The following C2CD3 variants were observed in gnomAD, a reference collection of about 807,000 sequenced individuals.
C2CD3 encodes C2 domain containing 3 centriole elongation regulator, also known as C2 domain-containing protein 3.
A neutral mutation model predicts 234.0 loss-of-function variants in C2CD3; 148 were observed. That is an observed-to-expected ratio of 0.63 (90% CI 0.55 to 0.72). The LOEUF is 0.72. Ranked by LOEUF, C2CD3 falls within the 30% of genes least tolerant of loss-of-function variation. The pLI, the probability that C2CD3 is intolerant of heterozygous loss-of-function variation, is 0.00. For missense variants in C2CD3, 2,577 were observed against 2,811.5 expected, an observed-to-expected ratio of 0.92 and a Z score of 1.89; for synonymous variants, 1,000 against 1,035.4, an observed-to-expected ratio of 0.97 and a Z score of 0.66.
intron 3 of C2CD3, among the ~76,000 whole-genome samples, chr11:74,157,482 T>C (rs980723412): frequency 2.0e-5 from 3 of 152,338 alleles, no homozygotes; most frequent in East Asian, 1.9e-4. Context: ...TAACATTTAA[T>C]ATATTATAAA....
At chr11:74,013,838 C>T (rs973087315) in intron 32 of C2CD3, among the ~76,000 whole-genome samples, 5 of 152,174 alleles carry the variant, frequency 3.3e-5, no homozygotes, top group African/African-American at 7.2e-5. Context: ...AAGGAGGCAG[C>T]GTCACCTCCA....
intron 3 of C2CD3, among the ~76,000 whole-genome samples, chr11:74,141,921 G>A (rs530772869): frequency 9.8e-4 from 149 of 152,054 alleles, no homozygotes; most frequent in African/African-American, 3.4e-3. Flanking sequence ...AGGACTGCTT[G>A]AGCCCCGGAT....
chr11:74,151,185 A>G (rs538911962), intron 3 of C2CD3, among the ~76,000 whole-genome samples: 24 of 152,226 alleles, frequency 1.6e-4, no homozygotes, highest in Admixed American at 6.5e-4. Context: ...CGGCCTCCCA[A>G]AGTGCTGGGA....
At chr11:74,096,345 C>T (rs1161112488) in intron 16 of C2CD3, among the ~76,000 whole-genome samples, 1 of 152,134 alleles carries the variant, frequency 6.6e-6, no homozygotes. Context: ...ATTTTAACTA[C>T]TAATCCAAAA....
intron 7 of C2CD3, among the ~76,000 whole-genome samples, chr11:74,125,604 C>T (rs1014154756): frequency 2.0e-5 from 3 of 152,126 alleles, no homozygotes; most frequent in East Asian, 1.9e-4. Flanking sequence ...TTTTACCCAT[C>T]TTCTCTATTT....
intron 28 of C2CD3, among the ~76,000 whole-genome samples, chr11:74,044,767 C>T (rs1953274800): frequency 6.6e-6 from 1 of 152,038 alleles, no homozygotes. Flanking sequence ...TCTATGAATA[C>T]CCAATGCTTA....
In C2CD3 at chr11:74,103,770, CATAT is replaced by C. The variant is rs1956410768; in HGVS notation, c.2086-149_2086-146del. Reference sequence around the variant, plus strand: ...TAATAGTAAGAATATTAACAGAATGCATATACATTAACTTGCTAGACTAAGAAAA... The same window carrying C: ...TAATAGTAAGAATATTAACAGAATGCACATTAACTTGCTAGACTAAGAAAA... On this transcript the variant is annotated intron_variant, in intron 13 of 32. Coordinates refer to ENST00000334126, the MANE Select transcript of C2CD3 (RefSeq NM_001286577.2). 4.5e-6 allele frequency: 3 copies of C among 661,864 alleles called. No homozygotes were observed. In the East Asian group the frequency reaches 8.2e-5, roughly 18 times the overall value. The allele number at this position is 661,864 out of a possible 1,614,324, so 41.0% of individuals were successfully genotyped here.
At chr11:74,125,051 A>C (rs566853823) in intron 7 of C2CD3, among the ~76,000 whole-genome samples, 314 of 152,354 alleles carry the variant, frequency 2.1e-3, no homozygotes, top group African/African-American at 6.9e-3. Context: ...CTATTTTGAA[A>C]GTCAAATACG....
In C2CD3 at chr11:74,109,838, C is replaced by G. The variant is rs576903110; in HGVS notation, c.1844-686G>C. ...CTGTAATCCCAGCACTTTGGGAGGCCGAGATGGGCAGATCACGAGGTCAGG... is the reference window on the plus strand; with the variant it reads ...CTGTAATCCCAGCACTTTGGGAGGCGGAGATGGGCAGATCACGAGGTCAGG... On this transcript the variant is annotated intron_variant, in intron 11 of 32. Coordinates refer to ENST00000334126, the MANE Select transcript of C2CD3 (RefSeq NM_001286577.2). Among the ~76,000 whole-genome samples, 548 of 151,896 alleles carry G rather than the reference C, an allele frequency of 3.6e-3. 3 individuals are homozygous for G. Among genetic ancestry groups the G allele is most frequent in the Non-Finnish European group, 6.4e-3 (436 of 67,970 alleles).
chr11:74,091,219 T>C (rs1955881866), intron 19 of C2CD3: 2 of 277,474 alleles, frequency 7.2e-6, no homozygotes, highest in Non-Finnish European at 1.4e-5. Context: ...TCCAGATTTC[T>C]TTTTACCCCC....
chr11:74,107,322 TCA>T (rs142285119), intron 12 of C2CD3, among the ~76,000 whole-genome samples: 26,561 of 146,074 alleles, frequency 0.18, 2,450 homozygotes, highest in East Asian at 0.28. Context: ...TGAAACTGTG[TCA>T]CACACACACA....
At chr11:74,128,831 A>T (rs886927606) in intron 7 of C2CD3, 1 of 230,354 alleles carries the variant, frequency 4.3e-6, no homozygotes, top group Non-Finnish European at 8.4e-6. Context: ...GAGTGGACAC[A>T]GCACATGTTT....
rs1312383807 is a variant in C2CD3 at position 74,139,726 on chromosome 11, T to C, written c.586A>G (p.Arg196Gly). The change falls in exon 4 of 33, where the codon AGA becomes GGA. Residue 196 changes from arginine to glycine, a missense_variant. Physicochemically the swap from Arg to Gly is moderately radical, Grantham distance 125. Coordinates refer to ENST00000334126, the MANE Select transcript of C2CD3 (RefSeq NM_001286577.2). ...ENVLLSKQGF[R>G]ENTEPSSTQF... ...GTACTGCTGGGTTCAGTATTCTCTC[T>C]GAATCCCTGCTTAGATAAAAGCACA... is the stretch of plus-strand genomic sequence containing the variant. 2 of 1,613,544 alleles carry C rather than the reference T, an allele frequency of 1.2e-6. No individual in the cohort carries two copies. Among genetic ancestry groups the C allele is most frequent in the Non-Finnish European group, 1.7e-6 (2 of 1,179,440 alleles).
intron 24 of C2CD3, among the ~76,000 whole-genome samples, chr11:74,069,711 G>C (rs150028141): frequency 8.5e-5 from 13 of 152,226 alleles, no homozygotes; most frequent in Non-Finnish European, 1.9e-4. Flanking sequence ...TTTTTCCATT[G>C]CAATCATTCT....
At position 74,110,098 on chromosome 11, in the gene C2CD3, T is replaced by TAAATA. The variant is rs922505572; in HGVS notation, c.1844-951_1844-947dup. On this transcript the variant is annotated intron_variant, in intron 11 of 32. Transcript: ENST00000334126. ...TCTGTCTCAAAAATAAATAAATAAA[T>TAAATA]AAATAAAATAAAATAAAATAAAAAG... Among the ~76,000 whole-genome samples the TAAATA allele has an allele frequency of 3.6e-3, 543 of 150,934 alleles. 4 individuals carry two copies. The highest frequency in any genetic ancestry group is 0.027 in the Middle Eastern group (8 of 294).
At chr11:74,106,817 AT>A (rs1284543185) in intron 12 of C2CD3, among the ~76,000 whole-genome samples, 2 of 152,220 alleles carry the variant, frequency 1.3e-5, no homozygotes, top group Non-Finnish European at 2.9e-5. Flanking sequence ...GATGTCACAA[AT>A]TTTTGCTATT....
chr11:74,108,264 G>A (rs1396375151), intron 12 of C2CD3: 1 of 151,564 alleles, frequency 6.6e-6, no homozygotes, highest in Non-Finnish European at 1.5e-5. Context: ...ATGAAATGAT[G>A]TGCCTTTCCC....
At chr11:74,167,454 C>G (rs1856883292) in intron 2 of C2CD3, among the ~76,000 whole-genome samples, 1 of 152,118 alleles carries the variant, frequency 6.6e-6, no homozygotes, top group South Asian at 2.1e-4. Context: ...CCCATGGTGC[C>G]TAAAACAATG....
Position 74,118,307 on chromosome 11 carries a change from T to C in C2CD3, c.1441A>G (p.Thr481Ala), listed in dbSNP as rs1415923483. 2 of 1,613,350 alleles carry C rather than the reference T, an allele frequency of 1.2e-6. No individual in the cohort carries two copies. Among genetic ancestry groups the C allele is most frequent in the Admixed American group, 1.7e-5 (1 of 60,014 alleles). Reference protein sequence around the residue: ...IVPSKKISQSTALARSSKVLE... With the variant: ...IVPSKKISQSAALARSSKVLE... ...ACCTTAGATGATCTGGCAAGAGCTG[T>C]TGACTGGCTTATTTTTTTAGAAGGG... is the stretch of plus-strand genomic sequence containing the variant. The change falls in exon 9 of 33, where the codon ACA (threonine) becomes GCA (alanine). Residue 481 changes from threonine to alanine, a missense_variant. Transcript: ENST00000334126.
Sources: gnomAD v4.1 joint callset for allele counts (sites outside exome capture counted in the v4.1 genomes callset) on GRCh38, gnomAD v4.1.1 for gene constraint, MANE v1.5 for transcripts, NCBI Gene and HGNC (gene_info 2026-07-23, HGNC 2026-07-21) for gene names.